Variants in MTMR1 observed in about 807,000 individuals in gnomAD.
The protein encoded by MTMR1 is myotubularin related protein 1.
Under a neutral mutation model 51.6 loss-of-function variants are expected in MTMR1, and 17 were observed. That is an observed-to-expected ratio of 0.33 (90% CI 0.23 to 0.49). The LOEUF (loss-of-function observed/expected upper bound fraction) is 0.49, where lower values mean the gene tolerates loss of function less well. Ranked by LOEUF, MTMR1 falls within the 20% of genes least tolerant of loss-of-function variation. MTMR1 has a pLI of 0.99. For synonymous variants in MTMR1, 201 were observed against 205.6 expected (o/e 0.98, Z 0.19); for missense variants, 386 against 526.9 (o/e 0.73, Z 2.62).
Position 150,733,240 on chromosome X carries a change from T to C in MTMR1, c.1080+510T>C, listed in dbSNP as rs782345917. On this transcript the variant is annotated intron_variant, in intron 10 of 15. Transcript: ENST00000445323. ...CCATGACTTTCATGATATCACACCC[T>C]GAGTTTCTCTCGCTCTTCAGCCTGG... 1.1e-4 allele frequency among the ~76,000 whole-genome samples: 12 copies of C among 111,716 alleles called. No homozygotes were observed. In the East Asian group the frequency reaches 3.1e-3, roughly 29 times the overall value.
chrX:150,699,470 A>G (rs782652011), intron 2 of MTMR1, among the ~76,000 whole-genome samples, 170 bp downstream of exon 2: 4 of 112,696 alleles, frequency 3.5e-5, no homozygotes, highest in African/African-American at 1.3e-4. Flanking sequence ...GAGAAATTTT[A>G]CCAGTATCCA....
chrX:150,752,934 GC>G (rs1221712239), intron 14 of MTMR1, among the ~76,000 whole-genome samples: 6 of 110,874 alleles, frequency 5.4e-5, no homozygotes, highest in Non-Finnish European at 9.4e-5. Flanking sequence ...AAGCCACTGT[GC>G]CTGGCCTAAG....
intron 12 of MTMR1, among the ~76,000 whole-genome samples, chrX:150,740,459 G>A (rs1175961846): frequency 9.0e-6 from 1 of 111,598 alleles, no homozygotes; most frequent in Admixed American, 9.5e-5. Context: ...TAATGTTGGG[G>A]TGTTCCAGGG....
chrX:150,730,586 C>A lies in MTMR1; in HGVS notation c.719C>A (p.Pro240Gln). The A allele has an allele frequency of 8.7e-7, 1 of 1,144,673 alleles. No homozygotes were observed. Among genetic ancestry groups the A allele is most frequent in the Non-Finnish European group, 1.2e-6 (1 of 848,835 alleles). The allele number at this position is 1,144,673 out of a possible 1,213,427, so 94.3% of individuals were successfully genotyped here. A position where few individuals can be genotyped will look rare whatever the true frequency, so the allele number is the denominator to read the frequency against. The change falls in exon 8 of 16, where the codon CCA (proline) becomes CAA (glutamine). Residue 240 changes from proline (P) to glutamine (Q), a missense_variant. By Grantham distance (76) the Pro-to-Gln change is moderately conservative. Transcript: ENST00000445323. ...FPINGWKVYD[P>Q]VSEYKRQGLP... ...ATTAATGGCTGGAAAGTTTATGATC[C>A]AGTATCTGAATATAAGAGACAGGTA...
chrX:150,704,091 A>G (rs1366135603), intron 2 of MTMR1, among the ~76,000 whole-genome samples: 2 of 111,985 alleles, frequency 1.8e-5, no homozygotes, highest in Non-Finnish European at 3.8e-5. Flanking sequence ...CAAAATAAAC[A>G]TAAGAATACT....
At chrX:150,742,239 A>G (rs782269753) in intron 12 of MTMR1, among the ~76,000 whole-genome samples, 1 of 112,371 alleles carries the variant, frequency 8.9e-6, no homozygotes, top group African/African-American at 3.2e-5. Flanking sequence ...TATATGGTAC[A>G]GCCTATTACT....
In MTMR1 at chrX:150,760,782, G is replaced by C. The variant is rs2242559; in HGVS notation, c.1858-1783G>C. ...CTATTAAAAATACAAAAATTAGCCA[G>C]ACACAGTGGTGGCGGGCGCCTGTAA... On this transcript the variant is annotated intron_variant, in intron 15 of 15. Coordinates refer to ENST00000445323, the MANE Select transcript of MTMR1 (RefSeq NM_001306144.3). Among the ~76,000 whole-genome samples the C allele has an allele frequency of 2.3e-3, 250 of 110,445 alleles. 2 individuals carry two copies. In the East Asian group the frequency reaches 0.048, roughly 21 times the overall value.
chrX:150,707,570 A>G (rs2041156700), intron 2 of MTMR1, among the ~76,000 whole-genome samples: 1 of 112,401 alleles, frequency 8.9e-6, no homozygotes, highest in Non-Finnish European at 1.9e-5. Context: ...AGAAATTTTT[A>G]AAAAGTGACA....
intron 14 of MTMR1, among the ~76,000 whole-genome samples, chrX:150,752,624 GT>G (rs782406235): frequency 1.6e-3 from 92 of 57,429 alleles, no homozygotes; most frequent in East Asian, 5.4e-3. Context: ...GCTTTATCTT[GT>G]TTTTTTTTTT....
At chrX:150,760,333 G>C (rs1352012479) in intron 15 of MTMR1, among the ~76,000 whole-genome samples, 4 of 108,372 alleles carry the variant, frequency 3.7e-5, no homozygotes, top group Non-Finnish European at 1.9e-5. Flanking sequence ...GGAGTGCAGG[G>C]GGGTAAACGA....
At chrX:150,735,669 A>G (rs1042683602) in intron 10 of MTMR1, 6 of 353,893 alleles carry the variant, frequency 1.7e-5, no homozygotes, top group African/African-American at 1.6e-4. Context: ...TACTATTTCA[A>G]TTGATAAATG....
intron 13 of MTMR1, among the ~76,000 whole-genome samples, chrX:150,748,990 T>C (rs1187243810): frequency 2.7e-5 from 3 of 112,421 alleles, no homozygotes; most frequent in African/African-American, 9.7e-5. Flanking sequence ...ACATCATTGA[T>C]TTAGTTCATC....
chrX:150,722,637 G>T (rs1217866727), intron 4 of MTMR1, among the ~76,000 whole-genome samples: 1 of 110,370 alleles, frequency 9.1e-6, no homozygotes. Context: ...TTTCTTTTAG[G>T]CCACATATAG....
At chrX:150,752,675 T>TAAAAA (rs2042786708) in intron 14 of MTMR1, among the ~76,000 whole-genome samples, 1 of 93,215 alleles carries the variant, frequency 1.1e-5, no homozygotes, top group Non-Finnish European at 2.1e-5. Flanking sequence ...AATTCATTCT[T>TAAAAA]AAAAAAATGA....
chrX:150,704,553 G>A (rs2041028223), intron 2 of MTMR1, among the ~76,000 whole-genome samples: 1 of 111,614 alleles, frequency 9.0e-6, no homozygotes, highest in Non-Finnish European at 1.9e-5. Context: ...CCGTATCAAG[G>A]GCAACAATGA....
rs907946821 is a variant in MTMR1, at chrX:150,704,647, G to A, written c.252+5347G>A. 6.4e-4 allele frequency among the ~76,000 whole-genome samples: 72 copies of A among 111,864 alleles called. 1 individual carries two copies. The highest frequency in any genetic ancestry group is 2.2e-3 in the African/African-American group (68 of 30,751). On this transcript the variant is annotated intron_variant, in intron 2 of 15. Coordinates refer to ENST00000445323, the MANE Select transcript of MTMR1 (RefSeq NM_001306144.3). ...ACTCTCACCCTTGCTCAGCAGTAAC[G>A]AGGAGCCCTCCACTCTGCAGTGTCA...
rs1468975753 is a variant in MTMR1 at position 150,763,724 on chromosome X, C to T, written c.*995C>T. On this transcript the variant is annotated 3_prime_UTR_variant, in exon 16 of 16. Transcript: ENST00000445323. ...CAGCTTACTCGCGTGGCTGCCTGTT[C>T]ATATTTGAAAGCAGCCACCGTGCTG... 1.8e-5 allele frequency: 2 copies of T among 112,607 alleles called. No individual in the cohort carries two copies. The highest frequency in any genetic ancestry group is 3.8e-5 in the Non-Finnish European group (2 of 53,307). 9.3% of individuals were successfully genotyped at this position (112,607 alleles called of 1,213,427 possible).
intron 6 of MTMR1, among the ~76,000 whole-genome samples, chrX:150,729,613 C>T (rs948451629): frequency 8.9e-6 from 1 of 112,104 alleles, no homozygotes; most frequent in Non-Finnish European, 1.9e-5. Context: ...CTTCCACCCA[C>T]CACCCTGCCA....
chrX:150,718,612 T>TCCAGGCTCTAAGGGA lies in MTMR1; in HGVS notation c.277-13_277-12insCCAGGCTCTAAGGGA. On this transcript the variant is annotated splice_polypyrimidine_tract_variant and intron_variant, in intron 3 of 15. Coordinates refer to ENST00000445323, the MANE Select transcript of MTMR1 (RefSeq NM_001306144.3). ...TTTTTTTTTTTTTTTTTTTTTTTTT[T>TCCAGGCTCTAAGGGA]TTTTTTTGCCAGGCTCTAAGGGATG... 1 of 618,156 alleles carries TCCAGGCTCTAAGGGA rather than the reference T, an allele frequency of 1.6e-6. No individual in the cohort carries two copies. The highest frequency in any genetic ancestry group is 2.2e-6 in the Non-Finnish European group (1 of 453,767). The allele number at this position is 618,156 out of a possible 1,213,427, so 50.9% of individuals were successfully genotyped here. A position where few individuals can be genotyped will look rare whatever the true frequency, so the allele number is the denominator to read the frequency against.
Sources: gnomAD v4.1 joint callset for allele counts (sites outside exome capture counted in the v4.1 genomes callset) on GRCh38, gnomAD v4.1.1 for gene constraint, MANE v1.5 for transcripts, NCBI Gene and HGNC (gene_info 2026-07-23, HGNC 2026-07-21) for gene names.